Variants in MYH13 observed in about 807,000 individuals in gnomAD.
The protein encoded by MYH13 is myosin-13.
Under a neutral mutation model 232.1 loss-of-function variants are expected in MYH13, and 177 were observed. The observed-to-expected ratio is 0.76, with a 90% confidence interval of 0.67 to 0.86. The LOEUF (loss-of-function observed/expected upper bound fraction) is 0.86, where lower values mean the gene tolerates loss of function less well. Ranked by LOEUF, MYH13 falls within the 40% of genes least tolerant of loss-of-function variation. The probability of loss-of-function intolerance (pLI) is 0.00; values close to 1 mark genes in which losing one functional copy is unlikely to be tolerated. For synonymous variants in MYH13, 884 were observed against 923.5 expected, an observed-to-expected ratio of 0.96 and a Z score of 0.78; for missense variants, 2,246 against 2,405.9, an observed-to-expected ratio of 0.93 and a Z score of 1.39.
At chr17:10,320,625 G>T in intron 24 of MYH13, 129 bp from the exon 25 acceptor site, 1 of 997,644 alleles carries the variant, frequency 1.0e-6, no homozygotes, top group Non-Finnish European at 1.4e-6. Context: ...CAAGCCTCTG[G>T]CCCCAGGAGG....
intron 2 of MYH13, among the ~76,000 whole-genome samples, chr17:10,367,021 A>G (rs764483488): frequency 5.3e-5 from 8 of 152,248 alleles, no homozygotes; most frequent in Non-Finnish European, 1.0e-4. Context: ...CTTGGCCTGC[A>G]GCCATCATGC....
intron 35 of MYH13, 131 bp downstream of exon 35, chr17:10,309,103 C>G: frequency 1.1e-6 from 1 of 900,802 alleles, no homozygotes; most frequent in Non-Finnish European, 1.6e-6. Context: ...GACCACTAGT[C>G]TGGGAGAAAC....
In MYH13 at chr17:10,364,358, TC is replaced by T; in HGVS notation, c.172del (p.Asp58ThrfsTer4). ...VKGMIQTREN[D>X]KVIVKTLDDR... ...ATCGAGGGTCTTGACTATGACTTTGTCATTTTCCCTAGTCTGGATCATGCCT... is the reference window on the plus strand; with the variant it reads ...ATCGAGGGTCTTGACTATGACTTTGTATTTTCCCTAGTCTGGATCATGCCT... On this transcript the variant is annotated frameshift_variant, in exon 3 of 41. Coordinates refer to ENST00000252172, the MANE Select transcript of MYH13 (RefSeq NM_003802.3). LOFTEE classifies it high-confidence loss of function. 6.2e-7 allele frequency: 1 copy of T among 1,613,944 alleles called. No homozygotes were observed. The highest frequency in any genetic ancestry group is 1.3e-5 in the African/African-American group (1 of 75,066).
In MYH13 at chr17:10,355,137, A is replaced by G. The variant is rs762057006; in HGVS notation, c.749T>C (p.Ile250Thr). 43 of 1,578,324 alleles carry G rather than the reference A, an allele frequency of 2.7e-5. No individual in the cohort carries two copies. The highest frequency in any genetic ancestry group is 3.7e-5 in the Non-Finnish European group (43 of 1,160,478). Residue 250 changes from isoleucine to threonine, a missense_variant, in exon 9 of 41, where the codon ATT becomes ACT. By Grantham distance (89) the Ile-to-Thr change is moderately conservative. Coordinates refer to ENST00000252172, the MANE Select transcript of MYH13 (RefSeq NM_003802.3). The part of the protein sequence containing the change: ...NDNSSRFGKF[I>T]RIHFGATGKL... ...TCCTGTGGCTCCAAAATGAATCCGA[A>G]TGAACTTCCCCTGTCCAATAACAGG...
intron 8 of MYH13, among the ~76,000 whole-genome samples, chr17:10,355,594 C>T (rs368519341): frequency 1.2e-4 from 18 of 152,268 alleles, no homozygotes; most frequent in Admixed American, 1.0e-3. Flanking sequence ...GGCACCTCTC[C>T]ACCGGGTGCC....
rs765603965 is a variant in MYH13, at chr17:10,345,862, A to G, written c.1264-246T>C. On this transcript the variant is annotated intron_variant, in intron 13 of 40. Coordinates refer to ENST00000252172, the MANE Select transcript of MYH13 (RefSeq NM_003802.3). ...ACAAAAATTAGCCAGGTGTGGTGGC[A>G]GGCGCCTGTAGTCCCAGCTATTCGG... Among the ~76,000 whole-genome samples, 11 of 151,766 alleles carry G rather than the reference A, an allele frequency of 7.2e-5. No homozygotes were observed. The South Asian group carries it at 8.4e-4, about 12-fold the overall frequency.
chr17:10,323,789 AGAAGAAG>A (rs146121158), intron 23 of MYH13, among the ~76,000 whole-genome samples: 592 of 37,250 alleles, frequency 0.016, 4 homozygotes, highest in Non-Finnish European at 0.024. Flanking sequence ...AAAAAAAAAA[AGAAGAAG>A]AAGAAGAAGA....
chr17:10,319,132 G>A lies in MYH13; in HGVS notation c.3396C>T (p.Leu1132=). The change falls in exon 27 of 41, where the codon CTC becomes CTT. Residue 1132 remains leucine (L), a synonymous_variant. Transcript: ENST00000252172. ...LEEEIEAEHT[L]RAKIEKQRSD... ...AGCGCTGCTTCTCAATCTTGGCTCT[G>A]AGCGTGTGTTCCGCTTCAATTTCCT... The A allele has an allele frequency of 6.2e-7, 1 of 1,614,104 alleles. No homozygotes were observed. Among genetic ancestry groups the A allele is most frequent in the Non-Finnish European group, 8.5e-7 (1 of 1,180,028 alleles).
At chr17:10,323,280 C>T (rs959353750) in intron 23 of MYH13, among the ~76,000 whole-genome samples, 5 of 152,156 alleles carry the variant, frequency 3.3e-5, no homozygotes, top group Admixed American at 6.5e-5. Context: ...TCTGTCCTGC[C>T]GGTACCCGCT....
intron 11 of MYH13, among the ~76,000 whole-genome samples, chr17:10,351,606 G>T (rs2142265510): frequency 6.6e-6 from 1 of 152,292 alleles, no homozygotes; most frequent in African/African-American, 2.4e-5. Context: ...GGTTTTTCCA[G>T]ATTTCTGGAT....
At chr17:10,359,156 C>T (rs995178812) in intron 7 of MYH13, among the ~76,000 whole-genome samples, 9 of 152,158 alleles carry the variant, frequency 5.9e-5, no homozygotes, top group African/African-American at 9.7e-5. Context: ...TTGGTGGCTT[C>T]GGGGTCCTGG....
chr17:10,363,915 G>A (rs1035196271), intron 3 of MYH13, among the ~76,000 whole-genome samples: 2 of 152,194 alleles, frequency 1.3e-5, no homozygotes, highest in African/African-American at 4.8e-5. Flanking sequence ...AGACCTGGTA[G>A]ATGTCCGGTA....
At chr17:10,355,056 A>G in intron 9 of MYH13, 28 bp downstream of exon 9, 1 of 1,609,268 alleles carries the variant, frequency 6.2e-7, no homozygotes, top group Non-Finnish European at 8.5e-7. Flanking sequence ...CCAAAACACC[A>G]ACGGATTTAT....
chr17:10,333,210 G>A lies in MYH13; in HGVS notation c.2057-19C>T, dbSNP rs531946656. 4.6e-5 allele frequency: 69 copies of A among 1,502,664 alleles called. No individual in the cohort carries two copies. In the South Asian group the frequency reaches 5.8e-4, roughly 13 times the overall value. The allele number at this position is 1,502,664 out of a possible 1,614,324, so 93.1% of individuals were successfully genotyped here. A position where few individuals can be genotyped will look rare whatever the true frequency, so the allele number is the denominator to read the frequency against. On this transcript the variant is annotated intron_variant, in intron 18 of 40. Transcript: ENST00000252172. ...ATCACACCTGGAGAGAGAACGTCCCGGGGGTGTGCCTGTGACCCCTTCATT... is the reference window on the plus strand; with the variant it reads ...ATCACACCTGGAGAGAGAACGTCCCAGGGGTGTGCCTGTGACCCCTTCATT...
At position 10,309,665 on chromosome 17, in the gene MYH13, C is replaced by G; in HGVS notation, c.4822G>C (p.Glu1608Gln). The stretch of plus-strand genomic sequence containing the variant: ...AGGGCGTCGTTCCGGCTGCGGATTT[C>G]AGCATCCAGCACGCTCTGCAGGGCC... ...AEALQSVLDA[E>Q]IRSRNDALRL... Residue 1608 changes from glutamate (E) to glutamine (Q), a missense_variant, in exon 34 of 41, where the codon GAA (glutamate) becomes CAA (glutamine). Transcript: ENST00000252172. The G allele has an allele frequency of 1.2e-6, 2 of 1,610,604 alleles. No homozygotes were observed. Among genetic ancestry groups the G allele is most frequent in the Non-Finnish European group, 1.7e-6 (2 of 1,178,408 alleles).
Position 10,300,949 on chromosome 17 carries a change from C to T in MYH13, c.*2G>A, listed in dbSNP as rs1188101713. On this transcript the variant is annotated 3_prime_UTR_variant, in exon 41 of 41. Transcript: ENST00000252172. ...CCCATGGCAACGAGCATCAGGTGAG[C>T]CTCATTCTTCCATCTTCTGTGGGAG... 2.5e-6 allele frequency: 4 copies of T among 1,612,614 alleles called. No homozygotes were observed. The highest frequency in any genetic ancestry group is 2.5e-6 in the Non-Finnish European group (3 of 1,179,200).
At chr17:10,311,796 A>G (rs929564085) in intron 32 of MYH13, 115 bp downstream of exon 32, 6 of 1,222,648 alleles carry the variant, frequency 4.9e-6, no homozygotes, top group Non-Finnish European at 7.0e-6. Flanking sequence ...ATGATGGGTG[A>G]GGATCGTGTG....
At position 10,364,864 on chromosome 17, in the gene MYH13, A is replaced by T. The variant is rs545744960; in HGVS notation, c.-12-322T>A. ...TGGTGAACTCAATAAAAGAGGCTTC[A>T]GGAAGCACTTTCTTTCTTTCTTTCT... On this transcript the variant is annotated intron_variant, in intron 2 of 40. Coordinates refer to ENST00000252172, the MANE Select transcript of MYH13 (RefSeq NM_003802.3). 7.9e-5 allele frequency among the ~76,000 whole-genome samples: 12 copies of T among 151,972 alleles called. No individual in the cohort carries two copies. The South Asian group carries it at 2.3e-3, about 29-fold the overall frequency.
chr17:10,338,214 G>A (rs1033320954), intron 18 of MYH13, among the ~76,000 whole-genome samples: 3 of 126,974 alleles, frequency 2.4e-5, no homozygotes, highest in Non-Finnish European at 5.1e-5. Flanking sequence ...GACAGTAACA[G>A]AAATGGATAT....
Sources: gnomAD v4.1 joint callset for allele counts (sites outside exome capture counted in the v4.1 genomes callset) on GRCh38, gnomAD v4.1.1 for gene constraint, MANE v1.5 for transcripts, NCBI Gene and HGNC (gene_info 2026-07-23, HGNC 2026-07-21) for gene names.